CABYR: variants seen among roughly 807,000 people sequenced by gnomAD.
CABYR encodes calcium-binding tyrosine phosphorylation-regulated protein.
CABYR carries 31 observed loss-of-function variants against 36.1 expected under a neutral mutation model. That is an observed-to-expected ratio of 0.86 (90% CI 0.64 to 1.16). The LOEUF (loss-of-function observed/expected upper bound fraction) is 1.16. Ranked by LOEUF, CABYR falls within the 50% of genes most tolerant of loss-of-function variation. The probability of loss-of-function intolerance (pLI) is 0.00; values close to 1 mark genes in which losing one functional copy is unlikely to be tolerated. For synonymous variants in CABYR, 146 were observed against 160.7 expected, an observed-to-expected ratio of 0.91 and a Z score of 0.69; for missense variants, 429 against 455.8, an observed-to-expected ratio of 0.94 and a Z score of 0.53.
intron 3 of CABYR, among the ~76,000 whole-genome samples, chr18:24,155,135 A>G (rs1037259662): frequency 3.3e-5 from 5 of 152,228 alleles, no homozygotes; most frequent in African/African-American, 1.2e-4. Flanking sequence ...ACCAACAAAG[A>G]TGAAATAATT....
intron 1 of CABYR, chr18:24,139,478 C>T (rs12963950): frequency 0.49 from 74,680 of 152,102 alleles, 20,987 homozygotes; most frequent in Non-Finnish European, 0.64. Context: ...TCGGGGAGTG[C>T]GGTTACCTAT....
At chr18:24,150,392 C>G (rs1422888021) in intron 3 of CABYR, 1 of 162,468 alleles carries the variant, frequency 6.2e-6, no homozygotes, top group African/African-American at 2.4e-5. Context: ...TTCCTTATTT[C>G]TAAAGCTTAA....
intron 3 of CABYR, among the ~76,000 whole-genome samples, chr18:24,144,780 C>A (rs994996940): frequency 7.2e-5 from 11 of 152,208 alleles, no homozygotes; most frequent in African/African-American, 2.7e-4. Context: ...AAAAGACTCA[C>A]TAATTAACCA....
chr18:24,149,752 G>A (rs1479969478), intron 3 of CABYR, among the ~76,000 whole-genome samples: 2 of 152,240 alleles, frequency 1.3e-5, no homozygotes, highest in East Asian at 3.8e-4. Context: ...CGGTGGGCTG[G>A]CACTGCTGGG....
At chr18:24,145,400 T>A (rs2085435103) in intron 3 of CABYR, among the ~76,000 whole-genome samples, 2 of 152,156 alleles carry the variant, frequency 1.3e-5, no homozygotes, top group African/African-American at 4.8e-5. Context: ...CAGCCCATAT[T>A]CACAGAGGCT....
chr18:24,156,641 G>A (rs1259063722), intron 4 of CABYR: 3 of 1,614,146 alleles, frequency 1.9e-6, no homozygotes, highest in Admixed American at 3.3e-5. Flanking sequence ...TATATATGGA[G>A]GCAGAAGCAA....
rs2085910930 is a variant in CABYR at position 24,160,076 on chromosome 18, A to G, written c.1139+7A>G. On this transcript the variant is annotated splice_region_variant and intron_variant, in intron 5 of 5. Coordinates refer to ENST00000399496, the MANE Select transcript of CABYR (RefSeq NM_153769.3). ...AAGCAGAAACTGAAAACTGGTAGGT[A>G]CACTTTCCTACCATAATATTTAGGC... 6.3e-7 allele frequency: 1 copy of G among 1,584,630 alleles called. No individual in the cohort carries two copies. The highest frequency in any genetic ancestry group is 8.6e-7 in the Non-Finnish European group (1 of 1,158,742).
intron 3 of CABYR, among the ~76,000 whole-genome samples, chr18:24,146,828 A>G (rs960449126): frequency 2.0e-5 from 3 of 152,236 alleles, no homozygotes; most frequent in Non-Finnish European, 4.4e-5. Context: ...AATAGAAACC[A>G]TAGAAGCCAA....
chr18:24,142,292 C>T (rs1284409066), intron 1 of CABYR, among the ~76,000 whole-genome samples: 1 of 151,844 alleles, frequency 6.6e-6, no homozygotes, highest in Non-Finnish European at 1.5e-5. Context: ...GCACTCCAGC[C>T]TGGGTGGCAG....
intron 3 of CABYR, among the ~76,000 whole-genome samples, chr18:24,150,352 A>G (rs774672034): frequency 6.6e-6 from 1 of 152,218 alleles, no homozygotes; most frequent in African/African-American, 2.4e-5. Flanking sequence ...CACCTCCTAC[A>G]GTCCAAATTA....
chr18:24,140,150 C>G (rs1176756712), intron 1 of CABYR: 2 of 152,142 alleles, frequency 1.3e-5, no homozygotes, highest in Non-Finnish European at 2.9e-5. Flanking sequence ...TCTCCATCTC[C>G]TGACCTCGCC....
chr18:24,150,941 G>A (rs1260070524), intron 3 of CABYR, among the ~76,000 whole-genome samples: 2 of 151,846 alleles, frequency 1.3e-5, no homozygotes, highest in Non-Finnish European at 2.9e-5. Flanking sequence ...CACCACGCCC[G>A]GCTAATTTTT....
chr18:24,143,515 TTA>T (rs1236515576), intron 3 of CABYR, 102 bp downstream of exon 3: 3 of 507,820 alleles, frequency 5.9e-6, no homozygotes, highest in Non-Finnish European at 9.9e-6. Context: ...ACAAATTATT[TTA>T]TGTTTAATCA....
intron 5 of CABYR, among the ~76,000 whole-genome samples, chr18:24,161,120 ATGAGT>A (rs2085966158): frequency 1.3e-5 from 2 of 152,216 alleles, no homozygotes; most frequent in African/African-American, 2.4e-5. Flanking sequence ...AAGTAGGGAG[ATGAGT>A]TGAAAGTACA....
At chr18:24,147,944 A>G (rs2085499709) in intron 3 of CABYR, among the ~76,000 whole-genome samples, 1 of 152,204 alleles carries the variant, frequency 6.6e-6, no homozygotes, top group Non-Finnish European at 1.5e-5. Context: ...TAATTTAATA[A>G]TAAGTATCAC....
At chr18:24,156,531 C>T in intron 4 of CABYR, 1 of 1,614,096 alleles carries the variant, frequency 6.2e-7, no homozygotes, top group Non-Finnish European at 8.5e-7. Flanking sequence ...ACGAGTTAGT[C>T]CCAAATCTGT....
At chr18:24,160,370 C>T (rs984465597) in intron 5 of CABYR, 2 of 297,332 alleles carry the variant, frequency 6.7e-6, no homozygotes, top group South Asian at 6.4e-5. Flanking sequence ...GTGGTAGATG[C>T]GAAAAGGGGA....
chr18:24,155,571 C>T (rs918874433), intron 3 of CABYR, 130 bp from the exon 4 acceptor site: 4 of 691,446 alleles, frequency 5.8e-6, no homozygotes, highest in African/African-American at 5.4e-5. Context: ...ATCCTCCTGC[C>T]TCAGCCTTCC....
chr18:24,153,391 C>G (rs2085688405), intron 3 of CABYR, among the ~76,000 whole-genome samples: 1 of 152,200 alleles, frequency 6.6e-6, no homozygotes, highest in Non-Finnish European at 1.5e-5. Context: ...CTGCCTCCAT[C>G]TTTCATGTGA....
Sources: allele counts gnomAD v4.1 joint callset (sites outside exome capture counted in the v4.1 genomes callset), GRCh38; gene constraint gnomAD v4.1.1; transcripts MANE v1.5; gene names NCBI Gene and HGNC (gene_info 2026-07-23, HGNC 2026-07-21).